ZC3HAV1: variants seen among roughly 807,000 people sequenced by gnomAD.
The protein encoded by ZC3HAV1 is zinc finger CCCH-type antiviral protein 1.
ZC3HAV1 carries 41 observed loss-of-function variants against 86.6 expected under a neutral mutation model. The ratio of observed to expected loss-of-function variants is 0.47; its 90% CI spans 0.37 to 0.61. The LOEUF is 0.61. ZC3HAV1 is among the 20% of genes least tolerant of loss of function. ZC3HAV1 has a pLI of 0.00. For synonymous variants in ZC3HAV1, 421 were observed against 432.1 expected (o/e 0.97, Z 0.32); for missense variants, 964 against 1,141.1 (o/e 0.84, Z 2.24).
intron 3 of ZC3HAV1, among the ~76,000 whole-genome samples, chr7:139,082,354 T>C (rs907215498): frequency 1.4e-5 from 2 of 148,020 alleles, no homozygotes; most frequent in African/African-American, 2.5e-5. Flanking sequence ...AAACACAAAA[T>C]GATAGAGGAT....
intron 9 of ZC3HAV1, among the ~76,000 whole-genome samples, chr7:139,058,873 C>T (rs1171592064): frequency 1.3e-5 from 2 of 152,102 alleles, no homozygotes; most frequent in African/African-American, 4.8e-5. Flanking sequence ...ACAGAAAGAA[C>T]CATCCAGCTT....
At chr7:139,097,426 ATATTTTTTT>A (rs1375030804) in intron 1 of ZC3HAV1, among the ~76,000 whole-genome samples, 1 of 75,258 alleles carries the variant, frequency 1.3e-5, no homozygotes, top group Admixed American at 1.4e-4. Flanking sequence ...ATATATATAT[ATATTTTTTT>A]TTTTTTTTTT....
intron 8 of ZC3HAV1, among the ~76,000 whole-genome samples, chr7:139,063,519 T>G (rs1025667900): frequency 1.6e-4 from 25 of 151,938 alleles, no homozygotes; most frequent in African/African-American, 6.0e-4. Flanking sequence ...CTCAGGAGTT[T>G]AAAATCAGCC....
In ZC3HAV1 at chr7:139,075,286, A is replaced by G. The variant is rs185349220; in HGVS notation, c.1697+1000T>C. ...ACAGAATCTCCACCCTCAAATCACTAAATTCTCATATGATGAAAAGTAATG... is the reference window on the plus strand; with the variant it reads ...ACAGAATCTCCACCCTCAAATCACTGAATTCTCATATGATGAAAAGTAATG... On this transcript the variant is annotated intron_variant, in intron 6 of 12. Transcript: ENST00000242351. Among the ~76,000 whole-genome samples, 18 of 152,262 alleles carry G rather than the reference A, an allele frequency of 1.2e-4. No individual in the cohort carries two copies. The East Asian group carries it at 3.3e-3, about 28-fold the overall frequency.
Position 139,054,135 on chromosome 7 carries a change from C to T in ZC3HAV1, c.2188-40G>A, listed in dbSNP as rs368862122. The T allele has an allele frequency of 9.8e-6, 15 of 1,527,700 alleles. No homozygotes were observed. The African/African-American group carries it at 2.0e-4, about 20-fold the overall frequency. The allele number at this position is 1,527,700 out of a possible 1,614,324, so 94.6% of individuals were successfully genotyped here. A position where few individuals can be genotyped will look rare whatever the true frequency, so the allele number is the denominator to read the frequency against. Reference sequence around the variant, plus strand: ...AAATAGATAAATGTGAAATAGGAAACATTTAAAGCATGATACATCCACATA... The same window carrying T: ...AAATAGATAAATGTGAAATAGGAAATATTTAAAGCATGATACATCCACATA... On this transcript the variant is annotated intron_variant, in intron 10 of 12. Transcript: ENST00000242351.
intron 1 of ZC3HAV1, among the ~76,000 whole-genome samples, chr7:139,100,322 GA>G (rs1563141699): frequency 2.6e-5 from 4 of 151,914 alleles, no homozygotes. Flanking sequence ...ACGAGGTCAG[GA>G]GATCGAGACC....
chr7:139,092,687 G>T (rs1401993891), intron 1 of ZC3HAV1, among the ~76,000 whole-genome samples: 1 of 152,218 alleles, frequency 6.6e-6, no homozygotes, highest in Non-Finnish European at 1.5e-5. Flanking sequence ...CTTTTCCAAA[G>T]GTGCTCATGT....
intron 7 of ZC3HAV1, among the ~76,000 whole-genome samples, chr7:139,067,559 A>T (rs979445509): frequency 6.6e-6 from 1 of 152,176 alleles, no homozygotes; most frequent in African/African-American, 2.4e-5. Flanking sequence ...ACTCAGAAGG[A>T]TAGGGCAGGT....
At chr7:139,091,904 C>G (rs910873777) in intron 1 of ZC3HAV1, among the ~76,000 whole-genome samples, 1 of 152,148 alleles carries the variant, frequency 6.6e-6, no homozygotes, top group Non-Finnish European at 1.5e-5. Context: ...CGCCACACTT[C>G]GAGACGAATT....
chr7:139,058,148 AC>A (rs1269076385), intron 9 of ZC3HAV1, among the ~76,000 whole-genome samples: 2 of 107,338 alleles, frequency 1.9e-5, no homozygotes, highest in African/African-American at 7.1e-5. Context: ...TCTCTGCATG[AC>A]CCACCCCCCA....
intron 7 of ZC3HAV1, among the ~76,000 whole-genome samples, chr7:139,070,996 C>G (rs192017097): frequency 6.6e-6 from 1 of 151,502 alleles, no homozygotes; most frequent in African/African-American, 2.4e-5. Context: ...AAAAAAAAAG[C>G]TCAGGAAGTT....
intron 1 of ZC3HAV1, among the ~76,000 whole-genome samples, chr7:139,092,693 C>T (rs1253732259): frequency 6.6e-6 from 1 of 152,216 alleles, no homozygotes; most frequent in Non-Finnish European, 1.5e-5. Flanking sequence ...CAAAGGTGCT[C>T]ATGTCTGAAA....
chr7:139,084,113 G>A, intron 2 of ZC3HAV1, 81 bp from the exon 3 acceptor site: 1 of 1,542,878 alleles, frequency 6.5e-7, no homozygotes, highest in South Asian at 1.2e-5. Flanking sequence ...GCTCACGTGT[G>A]CAAAAATCTC....
intron 2 of ZC3HAV1, among the ~76,000 whole-genome samples, chr7:139,084,311 T>G (rs1431342952): frequency 6.6e-6 from 1 of 152,184 alleles, no homozygotes; most frequent in African/African-American, 2.4e-5. Context: ...GGACCCAAAG[T>G]GAGCCCTATA....
chr7:139,093,335 G>A (rs541323817), intron 1 of ZC3HAV1, among the ~76,000 whole-genome samples: 27 of 152,270 alleles, frequency 1.8e-4, no homozygotes, highest in Non-Finnish European at 3.2e-4. Context: ...TTTAAGCAGG[G>A]TGCAAGCAGA....
chr7:139,107,367 A>T (rs530108866), intron 1 of ZC3HAV1, among the ~76,000 whole-genome samples: 2 of 152,370 alleles, frequency 1.3e-5, no homozygotes, highest in South Asian at 4.1e-4. Context: ...GAGTGAGCTG[A>T]AAGGGTTTTT....
rs1476571191 is a variant in ZC3HAV1 at position 139,044,439 on chromosome 7, T to G, written c.*3155A>C. 6.6e-6 allele frequency: 1 copy of G among 152,250 alleles called. No homozygotes were observed. Among genetic ancestry groups the G allele is most frequent in the Non-Finnish European group, 1.5e-5 (1 of 68,040 alleles). The allele number at this position is 152,250 out of a possible 1,614,324, so 9.4% of individuals were successfully genotyped here. Reference sequence around the variant, plus strand: ...AATGAAATTCATCTTCTTTTCATTATAAATTTCTTCTTTTCTATTTCTCCT... The same window carrying G: ...AATGAAATTCATCTTCTTTTCATTAGAAATTTCTTCTTTTCTATTTCTCCT... On this transcript the variant is annotated 3_prime_UTR_variant, in exon 13 of 13. Transcript: ENST00000242351.
At chr7:139,097,428 A>ATAT in intron 1 of ZC3HAV1, among the ~76,000 whole-genome samples, 12 of 48,158 alleles carry the variant, frequency 2.5e-4, no homozygotes, top group African/African-American at 1.0e-3. Flanking sequence ...ATATATATAT[A>ATAT]TTTTTTTTTT....
Position 139,045,424 on chromosome 7 carries a change from C to T in ZC3HAV1, c.*2170G>A, listed in dbSNP as rs1392055074. The T allele has an allele frequency of 1.3e-5, 2 of 152,130 alleles. No homozygotes were observed. Among genetic ancestry groups the T allele is most frequent in the Non-Finnish European group, 2.9e-5 (2 of 68,026 alleles). The allele number at this position is 152,130 out of a possible 1,614,324, so 9.4% of individuals were successfully genotyped here. A position where few individuals can be genotyped will look rare whatever the true frequency, so the allele number is the denominator to read the frequency against. ...AGACTTGATGTGTGTTTTGAATGTG[C>T]ATTACTAAGTAAATTTTAAAAAATA... is the stretch of plus-strand genomic sequence containing the variant. On this transcript the variant is annotated 3_prime_UTR_variant, in exon 13 of 13. Transcript: ENST00000242351.
Sources: gnomAD v4.1 joint callset for allele counts (sites outside exome capture counted in the v4.1 genomes callset) on GRCh38, gnomAD v4.1.1 for gene constraint, MANE v1.5 for transcripts, NCBI Gene and HGNC (gene_info 2026-07-23, HGNC 2026-07-21) for gene names.